The following C4orf33 variants were observed in gnomAD, a reference collection of about 807,000 sequenced individuals.
C4orf33 encodes UPF0462 protein C4orf33.
A neutral mutation model predicts 24.3 loss-of-function variants in C4orf33; 20 were observed. The ratio of observed to expected loss-of-function variants is 0.82; its 90% CI spans 0.58 to 1.19. The LOEUF (loss-of-function observed/expected upper bound fraction) is 1.19, where lower values mean the gene tolerates loss of function less well. C4orf33 is among the 50% of genes most tolerant of loss of function. C4orf33 has a pLI of 0.00. For synonymous variants in C4orf33, 67 were observed against 76.4 expected (o/e 0.88, Z 0.64); for missense variants, 207 against 225.9 (o/e 0.92, Z 0.54).
intron 2 of C4orf33, 169 bp downstream of exon 2, chr4:129,102,960 T>C (rs2125800927): frequency 5.9e-6 from 3 of 510,668 alleles, no homozygotes; most frequent in Middle Eastern, 5.1e-4. Flanking sequence ...CTCCATTACC[T>C]GTGTGACTTT....
Position 129,113,985 on chromosome 4 carries a change from T to G in C4orf33, c.*2194T>G, listed in dbSNP as rs904043262. ...TTCTTTTCCATGTAAATTTCCATAA[T>G]ATTTTACACATTGCTTTATTACAGC... On this transcript the variant is annotated 3_prime_UTR_variant, in exon 6 of 6. Transcript: ENST00000425929. 1 of 152,176 alleles carries G rather than the reference T, an allele frequency of 6.6e-6. No homozygotes were observed. Among genetic ancestry groups the G allele is most frequent in the African/African-American group, 2.4e-5 (1 of 41,430 alleles). 9.4% of individuals were successfully genotyped at this position (152,176 alleles called of 1,614,324 possible). A position where few individuals can be genotyped will look rare whatever the true frequency, so the allele number is the denominator to read the frequency against.
At position 129,116,097 on chromosome 4, in the gene C4orf33, G is replaced by T. The variant is rs1233012647; in HGVS notation, c.*4306G>T. The T allele has an allele frequency of 6.6e-6, 1 of 151,796 alleles. No individual in the cohort carries two copies. The highest frequency in any genetic ancestry group is 1.5e-5 in the Non-Finnish European group (1 of 67,936). The allele number at this position is 151,796 out of a possible 1,614,324, so 9.4% of individuals were successfully genotyped here. A position where few individuals can be genotyped will look rare whatever the true frequency, so the allele number is the denominator to read the frequency against. On this transcript the variant is annotated 3_prime_UTR_variant, in exon 6 of 6. Transcript: ENST00000425929. ...GATGACACATGTATGAGGAATATAG[G>T]AAGCCAGAAATCATGAATCTATGAA... is the stretch of plus-strand genomic sequence containing the variant.
At chr4:129,094,254 T>G (rs1048423634), upstream of C4orf33, among the ~76,000 whole-genome samples, 2 of 152,132 alleles carry the variant, frequency 1.3e-5, no homozygotes, top group Non-Finnish European at 2.9e-5. Flanking sequence ...TGTGGATAGA[T>G]TACAATTTTC....
In C4orf33 at chr4:129,114,198, C is replaced by G. The variant is rs991173836; in HGVS notation, c.*2407C>G. ...CTGCTGTGTGGAACACTTGCAGGAACCCATTTAGCCATTCTCTCACATGAA... is the reference window on the plus strand; with the variant it reads ...CTGCTGTGTGGAACACTTGCAGGAAGCCATTTAGCCATTCTCTCACATGAA... On this transcript the variant is annotated 3_prime_UTR_variant, in exon 6 of 6. Coordinates refer to ENST00000425929, the MANE Select transcript of C4orf33 (RefSeq NM_001099783.2). 2 of 152,184 alleles carry G rather than the reference C, an allele frequency of 1.3e-5. No individual in the cohort carries two copies. The highest frequency in any genetic ancestry group is 1.3e-4 in the Admixed American group (2 of 15,260). 9.4% of individuals were successfully genotyped at this position (152,184 alleles called of 1,614,324 possible).
At position 129,102,998 on chromosome 4, in the gene C4orf33, TG is replaced by T. The variant is rs1363107068; in HGVS notation, c.181+209del. On this transcript the variant is annotated intron_variant, in intron 2 of 5. Coordinates refer to ENST00000425929, the MANE Select transcript of C4orf33 (RefSeq NM_001099783.2). ...CTATATAACAAAAACAGTTAAAAAA[TG>T]GCAATTACAAATCCAGATTTTTTTT... 5.1e-5 allele frequency: 21 copies of T among 413,494 alleles called. No homozygotes were observed. The East Asian group carries it at 8.4e-4, about 17-fold the overall frequency. 25.6% of individuals were successfully genotyped at this position (413,494 alleles called of 1,614,324 possible). A position where few individuals can be genotyped will look rare whatever the true frequency, so the allele number is the denominator to read the frequency against.
upstream of C4orf33, chr4:129,093,997 G>A (rs1248406919): frequency 1.3e-5 from 2 of 152,186 alleles, no homozygotes; most frequent in African/African-American, 4.8e-5. Context: ...CTCTGGAGGA[G>A]TTCTAGGTTT....
Position 129,115,127 on chromosome 4 carries a change from C to T in C4orf33, c.*3336C>T, listed in dbSNP as rs192088157. 1 of 152,206 alleles carries T rather than the reference C, an allele frequency of 6.6e-6. No homozygotes were observed. Among genetic ancestry groups the T allele is most frequent in the African/African-American group, 2.4e-5 (1 of 41,448 alleles). The allele number at this position is 152,206 out of a possible 1,614,324, so 9.4% of individuals were successfully genotyped here. A position where few individuals can be genotyped will look rare whatever the true frequency, so the allele number is the denominator to read the frequency against. ...GACTTGAAATCAGTTACAGGAGCCA[C>T]ATAACTTGTTCCACTAAATCTTTTG... On this transcript the variant is annotated 3_prime_UTR_variant, in exon 6 of 6. Transcript: ENST00000425929.
chr4:129,110,662 C>T (rs745846805), intron 5 of C4orf33, among the ~76,000 whole-genome samples: 5 of 151,850 alleles, frequency 3.3e-5, no homozygotes, highest in African/African-American at 9.7e-5. Flanking sequence ...CTGCATCGTC[C>T]TTCCTCTCCC....
At chr4:129,096,633 G>A (rs1404223352) in intron 1 of C4orf33, among the ~76,000 whole-genome samples, 1 of 152,006 alleles carries the variant, frequency 6.6e-6, no homozygotes, top group East Asian at 1.9e-4. Context: ...GTCTTTCCAG[G>A]TAAAGATAAA....
chr4:129,094,732 T>C (rs2125795906), upstream of C4orf33, among the ~76,000 whole-genome samples: 1 of 152,318 alleles, frequency 6.6e-6, no homozygotes, highest in East Asian at 1.9e-4. Context: ...GAACTTGTTC[T>C]GATTTTTAGT....
At chr4:129,105,527 T>G (rs1753492195) in intron 2 of C4orf33, among the ~76,000 whole-genome samples, 1 of 152,186 alleles carries the variant, frequency 6.6e-6, no homozygotes, top group African/African-American at 2.4e-5. Flanking sequence ...GACAATAAGA[T>G]TCTCTGAATT....
Position 129,116,112 on chromosome 4 carries a change from G to C in C4orf33, c.*4321G>C, listed in dbSNP as rs1281097544. 6.6e-6 allele frequency: 1 copy of C among 151,798 alleles called. No individual in the cohort carries two copies. Among genetic ancestry groups the C allele is most frequent in the Admixed American group, 6.6e-5 (1 of 15,236 alleles). 9.4% of individuals were successfully genotyped at this position (151,798 alleles called of 1,614,324 possible). On this transcript the variant is annotated 3_prime_UTR_variant, in exon 6 of 6. Transcript: ENST00000425929. The stretch of plus-strand genomic sequence containing the variant: ...AGGAATATAGGAAGCCAGAAATCAT[G>C]AATCTATGAAAAGTGAGGGGTGTCT...
chr4:129,100,970 A>G (rs1753333790), intron 1 of C4orf33, among the ~76,000 whole-genome samples: 2 of 152,154 alleles, frequency 1.3e-5, no homozygotes, highest in Non-Finnish European at 2.9e-5. Flanking sequence ...TAAATTTATT[A>G]TTGAGGTATT....
rs2271570 is a variant in C4orf33, at chr4:129,109,489, C to T, written c.311C>T (p.Ser104Leu). Residue 104 changes from serine (S) to leucine (L), a missense_variant, in exon 5 of 6, where the codon TCG (serine) becomes TTG (leucine). Ser to Leu is a moderately radical substitution (Grantham distance 145, BLOSUM62 -2). Transcript: ENST00000425929. ...TTTCTGTAGCAAGAACTTCCTTTAT[C>T]GTTCAGAATGTCCAGAGGAGAGACA... ...RNVWKQELPLSFRMSRGETKW... is the reference protein window; with the variant it reads ...RNVWKQELPLLFRMSRGETKW... The T allele has an allele frequency of 0.16, 262,313 of 1,610,590 alleles. 22,329 individuals carry two copies. Among genetic ancestry groups the T allele is most frequent in the Middle Eastern group, 0.22 (1,328 of 6,058 alleles).
At chr4:129,100,056 T>C (rs1753308556) in intron 1 of C4orf33, among the ~76,000 whole-genome samples, 1 of 152,200 alleles carries the variant, frequency 6.6e-6, no homozygotes, top group Admixed American at 6.5e-5. Flanking sequence ...CTAGTCACTA[T>C]TTTTTGCAGT....
rs781089927 is a variant in C4orf33, at chr4:129,109,676, AG to A, written c.494+5del. On this transcript the variant is annotated splice_donor_5th_base_variant and intron_variant, in intron 5 of 5. Coordinates refer to ENST00000425929, the MANE Select transcript of C4orf33 (RefSeq NM_001099783.2). Reference sequence around the variant, plus strand: ...AGCAAGGACAAAAACCTGATTTGTAAGTAGAAAATAAATGAAGATATGTTCC... The same window carrying A: ...AGCAAGGACAAAAACCTGATTTGTAATAGAAAATAAATGAAGATATGTTCC... 22 of 1,609,476 alleles carry A rather than the reference AG, an allele frequency of 1.4e-5. No individual in the cohort carries two copies. The highest frequency in any genetic ancestry group is 1.8e-5 in the Non-Finnish European group (21 of 1,177,156).
chr4:129,094,556 T>TA (rs753082863), upstream of C4orf33, among the ~76,000 whole-genome samples: 7 of 152,202 alleles, frequency 4.6e-5, no homozygotes, highest in Non-Finnish European at 7.4e-5. Flanking sequence ...TAAGAAATTT[T>TA]AAAAATGTAT....
chr4:129,102,533 A>G (rs1412139816), intron 1 of C4orf33, 69 bp from the exon 2 acceptor site: 2 of 1,241,118 alleles, frequency 1.6e-6, no homozygotes, highest in East Asian at 2.5e-5. Flanking sequence ...TGAAATTTTC[A>G]TTTCATTTCC....
Position 129,115,334 on chromosome 4 carries a change from C to T in C4orf33, c.*3543C>T, listed in dbSNP as rs571481816. ...TCACCCATTTTACTCTTTGATAGCA[C>T]TTTACCTCTTTTGTCCCATGTATCT... On this transcript the variant is annotated 3_prime_UTR_variant, in exon 6 of 6. Coordinates refer to ENST00000425929, the MANE Select transcript of C4orf33 (RefSeq NM_001099783.2). The T allele has an allele frequency of 6.6e-6, 1 of 152,268 alleles. No individual in the cohort carries two copies. Among genetic ancestry groups the T allele is most frequent in the East Asian group, 1.9e-4 (1 of 5,184 alleles). The allele number at this position is 152,268 out of a possible 1,614,324, so 9.4% of individuals were successfully genotyped here. A position where few individuals can be genotyped will look rare whatever the true frequency, so the allele number is the denominator to read the frequency against.
Sources: gnomAD v4.1 joint callset for allele counts (sites outside exome capture counted in the v4.1 genomes callset) on GRCh38, gnomAD v4.1.1 for gene constraint, MANE v1.5 for transcripts, NCBI Gene and HGNC (gene_info 2026-07-23, HGNC 2026-07-21) for gene names.